Variants in CCDC13 observed in about 807,000 individuals in gnomAD.
CCDC13 encodes the protein coiled-coil domain containing 13, also known as coiled-coil domain-containing protein 13.
CCDC13 carries 70 observed loss-of-function variants against 87.3 expected under a neutral mutation model. The observed-to-expected ratio is 0.80, with a 90% CI of 0.66 to 0.98. The LOEUF (loss-of-function observed/expected upper bound fraction) is 0.98. Among genes scored for constraint, CCDC13 ranks in the 50% least tolerant of loss-of-function variants. CCDC13 has a pLI of 0.00. For missense variants in CCDC13, 842 were observed against 892.0 expected (o/e 0.94, Z 0.71); for synonymous variants, 317 against 360.3 (o/e 0.88, Z 1.36).
At chr3:42,730,347 C>T in intron 13 of CCDC13, 120 bp downstream of exon 13, 1 of 1,410,504 alleles carries the variant, frequency 7.1e-7, no homozygotes, top group Non-Finnish European at 9.6e-7. Context: ...CTAGGAATGC[C>T]CTGGACCAAC....
intron 1 of CCDC13, among the ~76,000 whole-genome samples, chr3:42,763,774 G>T (rs954425370): frequency 6.6e-6 from 1 of 152,160 alleles, no homozygotes; most frequent in African/African-American, 2.4e-5. Flanking sequence ...CCAAAGTGCT[G>T]GGATCACAGG....
At chr3:42,730,654 G>A in intron 12 of CCDC13, 65 bp from the exon 13 acceptor site, 1 of 1,587,430 alleles carries the variant, frequency 6.3e-7, no homozygotes, top group South Asian at 1.1e-5. Flanking sequence ...ACTTACCCCT[G>A]TGATGGTTGG....
At chr3:42,704,427 T>C (rs1698122007), downstream of CCDC13, 1 of 152,202 alleles carries the variant, frequency 6.6e-6, no homozygotes, top group African/African-American at 2.4e-5. Flanking sequence ...AGATCCTCAG[T>C]TGTAAAATGG....
intron 8 of CCDC13, 57 bp downstream of exon 8, chr3:42,742,839 C>A: frequency 6.3e-7 from 1 of 1,596,938 alleles, no homozygotes. Flanking sequence ...CCCTTGCAGG[C>A]ACCATCATGA....
intron 3 of CCDC13, 101 bp from the exon 4 acceptor site, chr3:42,752,818 C>T: frequency 1.4e-6 from 2 of 1,443,846 alleles, no homozygotes; most frequent in Non-Finnish European, 1.9e-6. Context: ...GCTAAAGCTG[C>T]TTGGCATGAA....
intron 13 of CCDC13, among the ~76,000 whole-genome samples, chr3:42,723,319 A>T (rs1698611171): frequency 6.6e-6 from 1 of 152,264 alleles, no homozygotes; most frequent in Admixed American, 6.5e-5. Flanking sequence ...AAGGACTCAT[A>T]TGATTAGGTC....
rs181908919 is a variant in CCDC13 at position 42,726,497 on chromosome 3, G to T, written c.1718+3970C>A. On this transcript the variant is annotated intron_variant, in intron 13 of 15. Transcript: ENST00000310232. ...TAAGGGTAAAGAGATGTGGAGGAAA[G>T]AATAAGTCTAACATATATGGACTAG... 1.1e-4 allele frequency among the ~76,000 whole-genome samples: 17 copies of T among 152,316 alleles called. No individual in the cohort carries two copies. In the East Asian group the frequency reaches 3.3e-3, roughly 29 times the overall value.
At chr3:42,753,569 G>C (rs991328087) in intron 3 of CCDC13, among the ~76,000 whole-genome samples, 18 of 152,182 alleles carry the variant, frequency 1.2e-4, no homozygotes, top group African/African-American at 4.3e-4. Context: ...AAATAAATAT[G>C]TATTCTAATA....
chr3:42,741,935 C>A (rs1018385067), intron 8 of CCDC13, among the ~76,000 whole-genome samples: 6 of 152,198 alleles, frequency 3.9e-5, no homozygotes, highest in African/African-American at 1.4e-4. Flanking sequence ...CCTAACCCAG[C>A]GTTGGTGCTC....
At chr3:42,743,600 T>TATATATATATATATATACAC in intron 7 of CCDC13, among the ~76,000 whole-genome samples, 1 of 125,796 alleles carries the variant, frequency 7.9e-6, no homozygotes, top group African/African-American at 3.6e-5. Flanking sequence ...TATATATATA[T>TATATATATATATATATACAC]ACACACACAC....
intron 13 of CCDC13, among the ~76,000 whole-genome samples, chr3:42,715,485 GC>G (rs1698411346): frequency 6.6e-6 from 1 of 151,880 alleles, no homozygotes; most frequent in Non-Finnish European, 1.5e-5. Context: ...GGTGGCGTGT[GC>G]TTGTAGTCCC....
intron 12 of CCDC13, among the ~76,000 whole-genome samples, chr3:42,731,615 T>C (rs1217246882): frequency 2.6e-5 from 4 of 152,004 alleles, no homozygotes; most frequent in Admixed American, 2.6e-4. Flanking sequence ...GCACTGCAGT[T>C]TGGAAAGCCC....
chr3:42,746,147 C>G, intron 6 of CCDC13, 120 bp from the exon 7 acceptor site: 1 of 761,310 alleles, frequency 1.3e-6, no homozygotes, highest in Non-Finnish European at 2.3e-6. Flanking sequence ...TTCTTCCCAT[C>G]TCAGAGCATA....
rs750273952 is a variant in CCDC13 at position 42,739,729 on chromosome 3, T to G, written c.1069A>C (p.Lys357Gln). 8.7e-6 allele frequency: 14 copies of G among 1,614,108 alleles called. No homozygotes were observed. The East Asian group carries it at 2.4e-4, about 28-fold the overall frequency. Residue 357 changes from lysine to glutamine, a missense_variant, in exon 9 of 16, where the codon AAG (lysine) becomes CAG (glutamine). Transcript: ENST00000310232. ...KKFEGMRSRN[K>Q]LLSSEMKTLK... The stretch of plus-strand genomic sequence containing the variant: ...GTCTTCATCTCACTTGACAGCAGCT[T>G]GTTCCGAGACCTCATGCCCTCGAAC...
In CCDC13 at chr3:42,757,061, G is replaced by A; in HGVS notation, c.370+5C>T. ...CAAGGACTATCACAACAATGGTGGA[G>A]CTACCTGTGAAGGCAAATCTGTCCT... On this transcript the variant is annotated splice_donor_5th_base_variant and intron_variant, in intron 3 of 15. Transcript: ENST00000310232. 1 of 1,613,142 alleles carries A rather than the reference G, an allele frequency of 6.2e-7. No individual in the cohort carries two copies. Among genetic ancestry groups the A allele is most frequent in the Non-Finnish European group, 8.5e-7 (1 of 1,179,388 alleles).
chr3:42,704,503 G>A (rs1698124966), downstream of CCDC13: 1 of 152,204 alleles, frequency 6.6e-6, no homozygotes, highest in Admixed American at 6.5e-5. Flanking sequence ...TCCATGACAA[G>A]AGCCTTGCTC....
At chr3:42,746,180 T>C (rs1033962626) in intron 6 of CCDC13, 153 bp from the exon 7 acceptor site, 7 of 630,298 alleles carry the variant, frequency 1.1e-5, no homozygotes, top group African/African-American at 9.2e-5. Flanking sequence ...CAGTTTTCCA[T>C]GTCCCAAGGG....
At chr3:42,730,196 G>T (rs1243524203) in intron 13 of CCDC13, among the ~76,000 whole-genome samples, 3 of 152,008 alleles carry the variant, frequency 2.0e-5, no homozygotes, top group East Asian at 1.9e-4. Context: ...TTTACTTCTG[G>T]GTGTCTCTCC....
At position 42,708,337 on chromosome 3, in the gene CCDC13, T is replaced by G. The variant is rs1698223778; in HGVS notation, c.*643A>C. On this transcript the variant is annotated 3_prime_UTR_variant, in exon 16 of 16. Transcript: ENST00000310232. ...ACAAACCCCTGGGTCATTAGAGGAC[T>G]GAATGGGGTCAGGTTGCCACAGTAG... The G allele has an allele frequency of 1.3e-5, 2 of 152,172 alleles. No homozygotes were observed. The highest frequency in any genetic ancestry group is 2.9e-5 in the Non-Finnish European group (2 of 68,024). 9.4% of individuals were successfully genotyped at this position (152,172 alleles called of 1,614,324 possible). A position where few individuals can be genotyped will look rare whatever the true frequency, so the allele number is the denominator to read the frequency against.
Sources: allele counts gnomAD v4.1 joint callset (sites outside exome capture counted in the v4.1 genomes callset), GRCh38; gene constraint gnomAD v4.1.1; transcripts MANE v1.5; gene names NCBI Gene and HGNC (gene_info 2026-07-23, HGNC 2026-07-21).